The following BCL2 variants were observed in gnomAD, a reference collection of about 807,000 sequenced individuals.
BCL2 encodes the protein BCL2 apoptosis regulator.
A neutral mutation model predicts 14.2 loss-of-function variants in BCL2; 1 was observed. That is an observed-to-expected ratio of 0.07 (90% CI 0.02 to 0.33). The LOEUF (loss-of-function observed/expected upper bound fraction) is 0.33. Ranked by LOEUF, BCL2 falls within the 10% of genes least tolerant of loss-of-function variation. The pLI, the probability that BCL2 is intolerant of heterozygous loss-of-function variation, is 0.99. For synonymous variants in BCL2, 151 were observed against 137.2 expected (o/e 1.10, Z -0.70); for missense variants, 247 against 305.9 (o/e 0.81, Z 1.44).
rs557783091 is a variant in BCL2 at position 63,174,649 on chromosome 18, G to A, written c.586-45890C>T. On this transcript the variant is annotated intron_variant, in intron 2 of 2. Coordinates refer to ENST00000333681, the MANE Select transcript of BCL2 (RefSeq NM_000633.3). The stretch of plus-strand genomic sequence containing the variant: ...AGCCTGGCCAACATGGTGAAACCCC[G>A]TCTCTACTAAAAATACCAAAACTAG... 4.5e-4 allele frequency among the ~76,000 whole-genome samples: 68 copies of A among 151,910 alleles called. 1 individual carries two copies. Among genetic ancestry groups the A allele is most frequent in the Admixed American group, 1.2e-3 (19 of 15,264 alleles).
At chr18:63,165,569 T>G (rs1161662482) in intron 2 of BCL2, among the ~76,000 whole-genome samples, 2 of 152,168 alleles carry the variant, frequency 1.3e-5, no homozygotes, top group Non-Finnish European at 2.9e-5. Context: ...TGGAGAGACC[T>G]CTCCTATCCC....
chr18:63,256,868 C>T (rs894908772), intron 2 of BCL2, among the ~76,000 whole-genome samples: 6 of 152,146 alleles, frequency 3.9e-5, no homozygotes, highest in African/African-American at 1.4e-4. Context: ...TCTATTAAAA[C>T]CAGACACATG....
chr18:63,319,080 G>C, intron 1 of BCL2, 94 bp downstream of exon 1: 1 of 1,070,160 alleles, frequency 9.3e-7, no homozygotes, highest in Non-Finnish European at 1.1e-6. Context: ...AAGCTGCCTG[G>C]AAATTAAATT....
intron 2 of BCL2, among the ~76,000 whole-genome samples, chr18:63,187,623 C>T (rs1915620556): frequency 6.6e-6 from 1 of 152,152 alleles, no homozygotes; most frequent in South Asian, 2.1e-4. Flanking sequence ...GACCATGCCC[C>T]AGTAAATAGC....
chr18:63,235,164 A>C (rs1003675194), intron 2 of BCL2, among the ~76,000 whole-genome samples: 1 of 152,114 alleles, frequency 6.6e-6, no homozygotes. Context: ...TTTAAATATG[A>C]CTCTAACAAG....
intron 2 of BCL2, among the ~76,000 whole-genome samples, chr18:63,180,101 T>C (rs1915449053): frequency 6.6e-6 from 1 of 152,258 alleles, no homozygotes; most frequent in African/African-American, 2.4e-5. Flanking sequence ...ACCCTTACCT[T>C]TCGGCATCAT....
At chr18:63,160,255 C>T (rs1022169381) in intron 2 of BCL2, among the ~76,000 whole-genome samples, 6 of 152,154 alleles carry the variant, frequency 3.9e-5, no homozygotes, top group African/African-American at 9.7e-5. Flanking sequence ...GAAGATGGTG[C>T]GTGAGCCTGC....
chr18:63,215,962 C>T (rs778144049), intron 2 of BCL2, among the ~76,000 whole-genome samples: 2 of 152,016 alleles, frequency 1.3e-5, no homozygotes, highest in Non-Finnish European at 2.9e-5. Context: ...AAGTCTTATG[C>T]CAGGCAATGT....
intron 2 of BCL2, among the ~76,000 whole-genome samples, chr18:63,142,744 G>A (rs139139986): frequency 1.8e-4 from 27 of 152,328 alleles, no homozygotes; most frequent in African/African-American, 5.5e-4. Flanking sequence ...GGGAGCTGAC[G>A]GATGGTGGTG....
chr18:63,229,941 AT>A (rs1910646702), intron 2 of BCL2, among the ~76,000 whole-genome samples: 1 of 152,072 alleles, frequency 6.6e-6, no homozygotes, highest in Non-Finnish European at 1.5e-5. Context: ...ATAGTGGGAG[AT>A]TTTTAGTACA....
chr18:63,279,776 C>G (rs1430545146), intron 2 of BCL2, among the ~76,000 whole-genome samples: 1 of 152,216 alleles, frequency 6.6e-6, no homozygotes, highest in African/African-American at 2.4e-5. Context: ...ACAAACGTAA[C>G]TATGAGCAAA....
chr18:63,286,575 T>A (rs1371028540), intron 2 of BCL2, among the ~76,000 whole-genome samples: 3 of 152,084 alleles, frequency 2.0e-5, no homozygotes, highest in Non-Finnish European at 2.9e-5. Context: ...AGTGGGCTGG[T>A]GCCAGCCCTG....
rs370798489 is a variant in BCL2 at position 63,181,629 on chromosome 18, ACTT to A, written c.586-52873_586-52871del. ...GGGTTAACTTGAAATAGAGTTGTGG[ACTT>A]CTTCTAAGGTCTATCATCATTAAGC... On this transcript the variant is annotated intron_variant, in intron 2 of 2. Coordinates refer to ENST00000333681, the MANE Select transcript of BCL2 (RefSeq NM_000633.3). Among the ~76,000 whole-genome samples, 862 of 152,308 alleles carry A rather than the reference ACTT, an allele frequency of 5.7e-3. 6 individuals are homozygous for A. The highest frequency in any genetic ancestry group is 0.02 in the African/African-American group (829 of 41,560).
chr18:63,318,390 C>A lies in BCL2; in HGVS notation c.277G>T (p.Val93Phe). The change falls in exon 2 of 3, where the codon GTC (valine) becomes TTC (phenylalanine). Residue 93 changes from valine (V) to phenylalanine (F), a missense_variant. This residue lies in a region of BCL2 where 144 missense variants were observed against 135.3 expected (regional missense o/e 1.06). Transcript: ENST00000333681. This position sits in a 1 kb window ranked among gnomAD's most constrained non-coding sequence, Gnocchi z 7.4. Reference sequence around the variant, plus strand: ...CCGGCCTGGCGGAGGGTCAGGTGGACCACAGGTGGCACCGGGCTGAGCGCA... The same window carrying A: ...CCGGCCTGGCGGAGGGTCAGGTGGAACACAGGTGGCACCGGGCTGAGCGCA... ...GPALSPVPPV[V>F]HLTLRQAGDD... The A allele has an allele frequency of 6.3e-7, 1 of 1,581,740 alleles. No homozygotes were observed. Among genetic ancestry groups the A allele is most frequent in the Non-Finnish European group, 8.6e-7 (1 of 1,164,490 alleles).
chr18:63,247,823 C>T lies in BCL2; in HGVS notation c.585+70259G>A, dbSNP rs546052222. Among the ~76,000 whole-genome samples, 7 of 152,272 alleles carry T rather than the reference C, an allele frequency of 4.6e-5. No individual in the cohort carries two copies. The East Asian group carries it at 7.7e-4, about 17-fold the overall frequency. ...AGAGGAGAGGCTTCAGATAATCTAC[C>T]ATGCCCAAGATGTCGTAAGAAAACT... On this transcript the variant is annotated intron_variant, in intron 2 of 2. Transcript: ENST00000333681.
rs1913966348 is a variant in BCL2 at position 63,128,282 on chromosome 18, TC to T, written c.*342del. The T allele has an allele frequency of 4.0e-6, 1 of 247,138 alleles. No individual in the cohort carries two copies. Among genetic ancestry groups the T allele is most frequent in the South Asian group, 1.5e-4 (1 of 6,894 alleles). The allele number at this position is 247,138 out of a possible 1,614,324, so 15.3% of individuals were successfully genotyped here. On this transcript the variant is annotated 3_prime_UTR_variant, in exon 3 of 3. Coordinates refer to ENST00000333681, the MANE Select transcript of BCL2 (RefSeq NM_000633.3). ...AATCTATGTTTACAGGCACAGAACATCCAGGTGGAGCCACACGAAGCGGTGC... is the reference window on the plus strand; with the variant it reads ...AATCTATGTTTACAGGCACAGAACATCAGGTGGAGCCACACGAAGCGGTGC...
At chr18:63,316,591 T>C (rs1205936531) in intron 2 of BCL2, 2 of 152,142 alleles carry the variant, frequency 1.3e-5, no homozygotes, top group Admixed American at 6.5e-5. Context: ...ATTTTAGAAA[T>C]TTAAATTGGG....
intron 2 of BCL2, among the ~76,000 whole-genome samples, chr18:63,203,427 T>A (rs558185609): frequency 3.7e-4 from 56 of 152,324 alleles, no homozygotes; most frequent in African/African-American, 1.3e-3. Context: ...TACTTATATA[T>A]TTTTAAAAAG....
chr18:63,125,986 T>TA lies in BCL2; in HGVS notation c.*2638dup, dbSNP rs2144581518. 1 of 214,592 alleles carries TA rather than the reference T, an allele frequency of 4.7e-6. No individual in the cohort carries two copies. Among genetic ancestry groups the TA allele is most frequent in the South Asian group, 1.9e-4 (1 of 5,360 alleles). The allele number at this position is 214,592 out of a possible 1,614,324, so 13.3% of individuals were successfully genotyped here. A position where few individuals can be genotyped will look rare whatever the true frequency, so the allele number is the denominator to read the frequency against. ...ACAAAAGACAAAACAGGCTTTATAT[T>TA]AAAAACGTCCACGTTCTTCATTGTT... is the stretch of plus-strand genomic sequence containing the variant. On this transcript the variant is annotated 3_prime_UTR_variant, in exon 3 of 3. Transcript: ENST00000333681.
Sources: allele counts gnomAD v4.1 joint callset (sites outside exome capture counted in the v4.1 genomes callset), GRCh38; gene constraint gnomAD v4.1.1; regional missense constraint gnomAD v4.1.1; non-coding constraint Gnocchi (gnomAD v3.1); transcripts MANE v1.5; gene names NCBI Gene and HGNC (gene_info 2026-07-23, HGNC 2026-07-21).